MAP3K1: variants seen among roughly 807,000 people sequenced by gnomAD.
MAP3K1 encodes mitogen-activated protein kinase kinase kinase 1, also known as MAP/ERK kinase kinase 1.
Under a neutral mutation model 144.2 loss-of-function variants are expected in MAP3K1, and 36 were observed. The ratio of observed to expected loss-of-function variants is 0.25; its 90% CI spans 0.19 to 0.33. MAP3K1 has a LOEUF of 0.33. MAP3K1 is among the 10% of genes least tolerant of loss of function. MAP3K1 has a pLI of 1.00. For missense variants in MAP3K1, 1,650 were observed against 1,881.9 expected (o/e 0.88, Z 2.28); for synonymous variants, 718 against 688.7 (o/e 1.04, Z -0.67).
At chr5:56,818,376 G>GTT (rs1746048180) in intron 1 of MAP3K1, among the ~76,000 whole-genome samples, 1 of 151,914 alleles carries the variant, frequency 6.6e-6, no homozygotes, top group Non-Finnish European at 1.5e-5. Flanking sequence ...TTTTTTGACA[G>GTT]TTAAGTTACA....
At chr5:56,842,162 C>G (rs1322172147) in intron 1 of MAP3K1, 3 of 152,170 alleles carry the variant, frequency 2.0e-5, no homozygotes, top group Non-Finnish European at 4.4e-5. Flanking sequence ...CAGAAGCAGC[C>G]TTGTACAGCA....
intron 4 of MAP3K1, 63 bp from the exon 5 acceptor site, chr5:56,865,277 A>C: frequency 2.1e-6 from 2 of 943,504 alleles, no homozygotes; most frequent in Non-Finnish European, 3.4e-6. Flanking sequence ...AAAAGTGATA[A>C]ATTTAGAAGT....
chr5:56,818,280 ATTAC>A (rs1241894927), intron 1 of MAP3K1, among the ~76,000 whole-genome samples: 5 of 152,106 alleles, frequency 3.3e-5, no homozygotes, highest in Non-Finnish European at 5.9e-5. Flanking sequence ...ATGCTACACT[ATTAC>A]TTACCATTTA....
chr5:56,836,302 A>C (rs1278300666), intron 1 of MAP3K1, among the ~76,000 whole-genome samples: 1 of 125,406 alleles, frequency 8.0e-6, no homozygotes, highest in African/African-American at 3.0e-5. Flanking sequence ...CCATATTTCA[A>C]CTTGGTCAGC....
intron 1 of MAP3K1, among the ~76,000 whole-genome samples, chr5:56,823,204 C>T (rs545378282): frequency 6.6e-6 from 1 of 152,288 alleles, no homozygotes; most frequent in Admixed American, 6.5e-5. Context: ...CCCGGTTGGG[C>T]CCCTGTCTGC....
At position 56,882,396 on chromosome 5, in the gene MAP3K1, A is replaced by G; in HGVS notation, c.3196A>G (p.Thr1066Ala). 1 of 1,614,044 alleles carries G rather than the reference A, an allele frequency of 6.2e-7. No individual in the cohort carries two copies. Among genetic ancestry groups the G allele is most frequent in the Non-Finnish European group, 8.5e-7 (1 of 1,179,920 alleles). Reference sequence around the variant, plus strand: ...ACACAGGCCAAAGCCATCTAGACCTACCCCAGGTAATACAAGTAAACAGGG... The same window carrying G: ...ACACAGGCCAAAGCCATCTAGACCTGCCCCAGGTAATACAAGTAAACAGGG... ...NIHRPKPSRP[T>A]PGNTSKQGDP... Residue 1066 changes from threonine (T) to alanine (A), a missense_variant, in exon 14 of 20, where the codon ACC (threonine) becomes GCC (alanine). Physicochemically the swap from Thr to Ala is moderately conservative, Grantham distance 58. This residue lies in a region of MAP3K1 where 841 missense variants were observed against 886.5 expected (regional missense o/e 0.95). Transcript: ENST00000399503.
chr5:56,868,405 G>A (rs1005672575), intron 6 of MAP3K1, among the ~76,000 whole-genome samples: 1 of 151,444 alleles, frequency 6.6e-6, no homozygotes, highest in Non-Finnish European at 1.5e-5. Flanking sequence ...TCTTTTTTTA[G>A]ACGGAGTCTC....
At chr5:56,884,294 A>T (rs1324362016) in intron 15 of MAP3K1, among the ~76,000 whole-genome samples, 1 of 150,740 alleles carries the variant, frequency 6.6e-6, no homozygotes, top group East Asian at 1.9e-4. Context: ...GTGCGGTGCC[A>T]TCTTGGGGTT....
At chr5:56,884,368 C>G (rs760954223) in intron 15 of MAP3K1, among the ~76,000 whole-genome samples, 16 of 152,062 alleles carry the variant, frequency 1.1e-4, no homozygotes, top group Non-Finnish European at 2.2e-4. Context: ...ATTAAACTTT[C>G]ATTTTTAAAT....
At chr5:56,868,394 C>CT (rs757548798) in intron 6 of MAP3K1, among the ~76,000 whole-genome samples, 26 of 151,778 alleles carry the variant, frequency 1.7e-4, no homozygotes, top group East Asian at 7.7e-4. Flanking sequence ...TCTTTCTTTT[C>CT]TCTTTTTTTA....
chr5:56,830,835 C>G (rs963833399), intron 1 of MAP3K1, among the ~76,000 whole-genome samples: 2 of 151,050 alleles, frequency 1.3e-5, no homozygotes, highest in Non-Finnish European at 2.9e-5. Flanking sequence ...GTTTAAAAAT[C>G]TGTCACAAAA....
At chr5:56,818,358 T>G (rs941956844) in intron 1 of MAP3K1, among the ~76,000 whole-genome samples, 1 of 152,144 alleles carries the variant, frequency 6.6e-6, no homozygotes, top group Non-Finnish European at 1.5e-5. Flanking sequence ...GAACTTTATG[T>G]TTTACTTTTT....
intron 1 of MAP3K1, chr5:56,817,257 A>G (rs764776765): frequency 3.9e-6 from 1 of 254,098 alleles, no homozygotes; most frequent in Non-Finnish European, 6.2e-6. Flanking sequence ...TGCAAAGTAC[A>G]AAGTCTTGAT....
At chr5:56,865,493 C>T in intron 5 of MAP3K1, 37 bp downstream of exon 5, 1 of 1,131,540 alleles carries the variant, frequency 8.8e-7, no homozygotes, top group Non-Finnish European at 1.3e-6. Flanking sequence ...AAATTGTTAG[C>T]ATATTCTTAG....
chr5:56,840,920 G>A (rs1223751125), intron 1 of MAP3K1, among the ~76,000 whole-genome samples: 2 of 149,022 alleles, frequency 1.3e-5, no homozygotes, highest in African/African-American at 2.5e-5. Flanking sequence ...CTGTCACCCA[G>A]GCTGGAGTGC....
chr5:56,830,483 C>A (rs986207889), intron 1 of MAP3K1, among the ~76,000 whole-genome samples: 1 of 152,128 alleles, frequency 6.6e-6, no homozygotes. Context: ...CTCCACATGA[C>A]CAAGTTGTTT....
intron 1 of MAP3K1, among the ~76,000 whole-genome samples, chr5:56,831,593 A>G (rs576676728): frequency 6.6e-6 from 1 of 152,342 alleles, no homozygotes; most frequent in South Asian, 2.1e-4. Flanking sequence ...TTATTAAATG[A>G]TATCCAGAAT....
chr5:56,843,738 T>A (rs2111822827), intron 1 of MAP3K1, among the ~76,000 whole-genome samples: 1 of 152,316 alleles, frequency 6.6e-6, no homozygotes, highest in African/African-American at 2.4e-5. Context: ...TCTCGCTGGC[T>A]GTCTAAATAA....
chr5:56,861,447 CTG>C (rs1747506863), intron 3 of MAP3K1, among the ~76,000 whole-genome samples: 2 of 151,862 alleles, frequency 1.3e-5, no homozygotes, highest in African/African-American at 4.8e-5. Context: ...TGGCAGGCAC[CTG>C]TAATCCCAGC....
Sources: gnomAD v4.1 joint callset for allele counts (sites outside exome capture counted in the v4.1 genomes callset) on GRCh38, gnomAD v4.1.1 for gene constraint, gnomAD v4.1.1 regional missense constraint, MANE v1.5 for transcripts, NCBI Gene and HGNC (gene_info 2026-07-23, HGNC 2026-07-21) for gene names.